LARP4: variants seen among roughly 807,000 people sequenced by gnomAD.
The protein encoded by LARP4 is La ribonucleoprotein 4.
In LARP4, 29 loss-of-function variants were observed where a neutral mutation model predicts 92.9. That is an observed-to-expected ratio of 0.31 (90% CI 0.23 to 0.43). The LOEUF (loss-of-function observed/expected upper bound fraction) is 0.43. Among genes scored for constraint, LARP4 ranks in the 20% least tolerant of loss-of-function variants. LARP4 has a pLI of 1.00. For synonymous variants in LARP4, 279 were observed against 284.1 expected (o/e 0.98, Z 0.18); for missense variants, 732 against 860.0 (o/e 0.85, Z 1.86).
At chr12:50,407,060 C>T (rs1009685090) in intron 1 of LARP4, among the ~76,000 whole-genome samples, 20 of 151,474 alleles carry the variant, frequency 1.3e-4, no homozygotes, top group African/African-American at 4.9e-4. Flanking sequence ...GAATCTTGCT[C>T]TGTCGCCCAG....
At chr12:50,461,450 G>A in intron 11 of LARP4, 103 bp downstream of exon 11, 1 of 1,099,450 alleles carries the variant, frequency 9.1e-7, no homozygotes, top group Admixed American at 2.7e-5. Flanking sequence ...TTAATTATTG[G>A]TATATGGTTA....
At chr12:50,412,293 C>G (rs1946049011) in intron 1 of LARP4, 2 of 211,948 alleles carry the variant, frequency 9.4e-6, no homozygotes, top group Non-Finnish European at 1.6e-5. Context: ...CCCCTAAGTA[C>G]TTGTAACTTA....
chr12:50,468,654 A>T (rs1166560144), intron 13 of LARP4, among the ~76,000 whole-genome samples: 1 of 152,096 alleles, frequency 6.6e-6, no homozygotes, highest in African/African-American at 2.4e-5. Flanking sequence ...AGTGTCTGTT[A>T]ACTTCACTTT....
chr12:50,461,696 C>T (rs1271577685), intron 11 of LARP4, among the ~76,000 whole-genome samples: 1 of 152,146 alleles, frequency 6.6e-6, no homozygotes, highest in Non-Finnish European at 1.5e-5. Context: ...GTGGCTCACA[C>T]CTGTAATCCC....
At chr12:50,473,909 C>CA (rs56022222) in intron 14 of LARP4, 90 bp from the exon 15 acceptor site, 38,997 of 916,820 alleles carry the variant, frequency 0.043, 23 homozygotes, top group Middle Eastern at 0.047. Context: ...GACTCCGTCT[C>CA]AAAAAAAAAA....
chr12:50,457,836 G>A (rs1954604419), intron 10 of LARP4, among the ~76,000 whole-genome samples: 1 of 146,898 alleles, frequency 6.8e-6, no homozygotes, highest in Non-Finnish European at 1.5e-5. Flanking sequence ...ATTACTTTTT[G>A]TTAAGTGACA....
chr12:50,444,537 C>A (rs1028064519), intron 8 of LARP4, among the ~76,000 whole-genome samples: 7 of 152,102 alleles, frequency 4.6e-5, no homozygotes, highest in Admixed American at 1.3e-4. Flanking sequence ...GGTGCAGAAG[C>A]AAGGAATGCT....
chr12:50,456,472 A>G (rs1954266067), intron 10 of LARP4, among the ~76,000 whole-genome samples: 1 of 152,186 alleles, frequency 6.6e-6, no homozygotes. Context: ...ACTTCTAAAA[A>G]GTGACTACTG....
intron 13 of LARP4, 90 bp downstream of exon 13, chr12:50,467,210 T>A: frequency 1.1e-6 from 1 of 952,244 alleles, no homozygotes. Flanking sequence ...TTGCACTTAG[T>A]GTACATTTCT....
chr12:50,443,614 AATTT>A (rs1565636126), intron 8 of LARP4, among the ~76,000 whole-genome samples: 1 of 150,718 alleles, frequency 6.6e-6, no homozygotes, highest in Non-Finnish European at 1.5e-5. Context: ...TTATTTTCTT[AATTT>A]ATTTATTTTT....
At chr12:50,439,897 C>T (rs1278348563) in intron 6 of LARP4, among the ~76,000 whole-genome samples, 3 of 151,842 alleles carry the variant, frequency 2.0e-5, no homozygotes, top group African/African-American at 4.8e-5. Context: ...ATACTAATTA[C>T]GGAAAAGAGA....
At chr12:50,446,112 C>G (rs1171586671) in intron 8 of LARP4, among the ~76,000 whole-genome samples, 2 of 149,964 alleles carry the variant, frequency 1.3e-5, no homozygotes, top group Admixed American at 1.3e-4. Context: ...ACGCCATTCT[C>G]CTGCCTCAGT....
intron 4 of LARP4, among the ~76,000 whole-genome samples, chr12:50,431,129 A>G (rs948539264): frequency 6.6e-6 from 1 of 151,650 alleles, no homozygotes; most frequent in African/African-American, 2.4e-5. Context: ...TTAGCGGGGC[A>G]TGGTGGTGCG....
chr12:50,407,006 C>T (rs1592720935), intron 1 of LARP4, among the ~76,000 whole-genome samples: 1 of 150,640 alleles, frequency 6.6e-6, no homozygotes, highest in Admixed American at 6.7e-5. Context: ...TGAGCCACCG[C>T]GCCCAGCCCA....
rs201492759 is a variant in LARP4 at position 50,466,966 on chromosome 12, A to G, written c.1391A>G (p.His464Arg). Reference sequence around the variant, plus strand: ...ATTATTTGTTCATTTTAGAGACCTCATCCTTCAACAGCTGAATCAAAGGCT... The same window carrying G: ...ATTATTTGTTCATTTTAGAGACCTCGTCCTTCAACAGCTGAATCAAAGGCT... ...RREDDRISRP[H>R]PSTAESKAPT... Residue 464 changes from histidine (H) to arginine (R), a missense_variant, in exon 13 of 16, where the codon CAT becomes CGT. Around this residue, in one of 7 missense-constraint regions of LARP4, gnomAD observed 264 missense variants for 269.5 expected, o/e 0.98. Coordinates refer to ENST00000398473, the MANE Select transcript of LARP4 (RefSeq NM_052879.5). 1 of 1,608,650 alleles carries G rather than the reference A, an allele frequency of 6.2e-7. No homozygotes were observed. The highest frequency in any genetic ancestry group is 8.5e-7 in the Non-Finnish European group (1 of 1,176,224).
At position 50,435,672 on chromosome 12, in the gene LARP4, A is replaced by G. The variant is rs761082260; in HGVS notation, c.535+48A>G. The G allele has an allele frequency of 2.4e-5, 33 of 1,392,402 alleles. No individual in the cohort carries two copies. The East Asian group carries it at 7.2e-4, about 31-fold the overall frequency. 86.3% of individuals were successfully genotyped at this position (1,392,402 alleles called of 1,614,324 possible). A position where few individuals can be genotyped will look rare whatever the true frequency, so the allele number is the denominator to read the frequency against. On this transcript the variant is annotated intron_variant, in intron 5 of 15. Coordinates refer to ENST00000398473, the MANE Select transcript of LARP4 (RefSeq NM_052879.5). ...TTTTTTTTTAATTTTTAAACGTAAA[A>G]TGTTATTTCGACTTCTGATCATATA...
chr12:50,416,112 T>C (rs1420933216), intron 1 of LARP4, among the ~76,000 whole-genome samples: 1 of 152,184 alleles, frequency 6.6e-6, no homozygotes, highest in Admixed American at 6.5e-5. Context: ...ATAACTTCCA[T>C]TTTGCAGTTA....
intron 1 of LARP4, among the ~76,000 whole-genome samples, chr12:50,425,169 A>G (rs1369616731): frequency 6.6e-6 from 1 of 152,040 alleles, no homozygotes; most frequent in Non-Finnish European, 1.5e-5. Flanking sequence ...AAAAAAAACT[A>G]CCTTGAAATG....
chr12:50,472,132 C>T (rs192008269), intron 13 of LARP4, among the ~76,000 whole-genome samples: 1 of 152,212 alleles, frequency 6.6e-6, no homozygotes, highest in Admixed American at 6.5e-5. Context: ...TTTTATCCAT[C>T]GGTTTTAATT....
Sources: allele counts gnomAD v4.1 joint callset (sites outside exome capture counted in the v4.1 genomes callset), GRCh38; gene constraint gnomAD v4.1.1; regional missense constraint gnomAD v4.1.1; transcripts MANE v1.5; gene names NCBI Gene and HGNC (gene_info 2026-07-23, HGNC 2026-07-21).